Variants in SLC25A26 observed in about 807,000 individuals in gnomAD.
SLC25A26 encodes solute carrier family 25 member 26.
A neutral mutation model predicts 37.8 loss-of-function variants in SLC25A26; 36 were observed. That is an observed-to-expected ratio of 0.95 (90% CI 0.73 to 1.26). SLC25A26 has a LOEUF of 1.26. Ranked by LOEUF, SLC25A26 falls within the 50% of genes most tolerant of loss-of-function variation. The pLI is 0.00. For missense variants in SLC25A26, 390 were observed against 331.1 expected (o/e 1.18, Z -1.38); for synonymous variants, 129 against 122.5 (o/e 1.05, Z -0.35).
intron 5 of SLC25A26, among the ~76,000 whole-genome samples, chr3:66,291,963 C>T (rs1054342922): frequency 2.1e-4 from 32 of 152,254 alleles, no homozygotes; most frequent in Admixed American, 1.6e-3. Flanking sequence ...TAAGAACTTG[C>T]TTTATGAATC....
At position 66,236,691 on chromosome 3, in the gene SLC25A26, T is replaced by A. The variant is rs1161063754; in HGVS notation, c.181T>A (p.Phe61Ile). The A allele has an allele frequency of 6.6e-7, 1 of 1,512,344 alleles. No individual in the cohort carries two copies. The highest frequency in any genetic ancestry group is 8.9e-7 in the Non-Finnish European group (1 of 1,129,748). The allele number at this position is 1,512,344 out of a possible 1,614,324, so 93.7% of individuals were successfully genotyped here. Residue 61 changes from phenylalanine (F) to isoleucine (I), a missense_variant, in exon 2 of 10, where the codon TTT becomes ATT. Phe to Ile is a conservative substitution (Grantham distance 21). Transcript: ENST00000354883. ...CGTTCCTTCTGCTGCTATTGGATCC[T>A]TTCCTAATGGTAAAAAATTATATTC... ...AGVPSAAIGS[F>I]PNAAAFFITY...
chr3:66,191,692 C>T (rs2070945060), intron 1 of SLC25A26, among the ~76,000 whole-genome samples: 1 of 151,376 alleles, frequency 6.6e-6, no homozygotes, highest in Non-Finnish European at 1.5e-5. Flanking sequence ...GAGTTCAAGA[C>T]CAGACTGGCC....
chr3:66,302,751 T>G (rs777850227), intron 5 of SLC25A26, among the ~76,000 whole-genome samples: 5 of 152,154 alleles, frequency 3.3e-5, no homozygotes, highest in Admixed American at 6.5e-5. Flanking sequence ...AGATACAACT[T>G]GGTGAAAAGG....
intron 1 of SLC25A26, among the ~76,000 whole-genome samples, chr3:66,160,711 G>A (rs1041469637): frequency 2.0e-5 from 3 of 152,162 alleles, no homozygotes; most frequent in Admixed American, 2.0e-4. Context: ...GAGGCAGGTG[G>A]ATCACTGAAT....
chr3:66,148,052 C>T (rs1576595539), intron 1 of SLC25A26, among the ~76,000 whole-genome samples: 2 of 152,160 alleles, frequency 1.3e-5, no homozygotes, highest in Non-Finnish European at 1.5e-5. Flanking sequence ...CCACCATGCC[C>T]GGCTGTTTTT....
At chr3:66,299,101 A>C (rs947141568) in intron 5 of SLC25A26, among the ~76,000 whole-genome samples, 1 of 152,098 alleles carries the variant, frequency 6.6e-6, no homozygotes, top group Non-Finnish European at 1.5e-5. Flanking sequence ...TACATTTGTT[A>C]CTGTGTGTGT....
At chr3:66,318,931 C>T (rs1342873492) in intron 5 of SLC25A26, among the ~76,000 whole-genome samples, 6 of 152,058 alleles carry the variant, frequency 3.9e-5, no homozygotes, top group Admixed American at 6.5e-5. Context: ...ATTACAGACA[C>T]GAACCACCAC....
intron 5 of SLC25A26, among the ~76,000 whole-genome samples, chr3:66,296,041 C>T (rs555691700): frequency 2.6e-5 from 4 of 151,820 alleles, no homozygotes; most frequent in Non-Finnish European, 5.9e-5. Context: ...AGCTTGAACC[C>T]GGGAGGCGGA....
chr3:66,372,227 G>A (rs1226734133), intron 9 of SLC25A26, among the ~76,000 whole-genome samples: 1 of 152,226 alleles, frequency 6.6e-6, no homozygotes, highest in Non-Finnish European at 1.5e-5. Flanking sequence ...TGATTTCAGT[G>A]TAGTTCATGT....
intron 5 of SLC25A26, among the ~76,000 whole-genome samples, chr3:66,291,914 C>G (rs2074723554): frequency 6.6e-6 from 1 of 152,132 alleles, no homozygotes; most frequent in Admixed American, 6.5e-5. Flanking sequence ...AAGTCTCCCA[C>G]TGTTGTTGTG....
At chr3:66,254,584 T>A (rs934588324) in intron 3 of SLC25A26, among the ~76,000 whole-genome samples, 1 of 152,216 alleles carries the variant, frequency 6.6e-6, no homozygotes, top group African/African-American at 2.4e-5. Context: ...AAGCATTAGC[T>A]GAAATTAAAC....
chr3:66,309,182 A>T (rs1311176383), intron 5 of SLC25A26, among the ~76,000 whole-genome samples: 1 of 152,102 alleles, frequency 6.6e-6, no homozygotes, highest in South Asian at 2.1e-4. Flanking sequence ...TACTGCATCA[A>T]TTTCAGAACT....
At chr3:66,149,717 A>G (rs1007293063) in intron 1 of SLC25A26, among the ~76,000 whole-genome samples, 1 of 152,206 alleles carries the variant, frequency 6.6e-6, no homozygotes, top group African/African-American at 2.4e-5. Flanking sequence ...CCTTTGCTCA[A>G]CTGTAAAATG....
intron 5 of SLC25A26, among the ~76,000 whole-genome samples, chr3:66,307,227 G>C (rs1265536471): frequency 6.6e-6 from 1 of 152,144 alleles, no homozygotes; most frequent in African/African-American, 2.4e-5. Context: ...TCTCATTGTG[G>C]TTTTGATTTG....
At chr3:66,330,389 C>A (rs1471737752) in intron 5 of SLC25A26, among the ~76,000 whole-genome samples, 1 of 152,004 alleles carries the variant, frequency 6.6e-6, no homozygotes, top group Non-Finnish European at 1.5e-5. Flanking sequence ...GAATTTTGCA[C>A]AATTATCAGG....
intron 6 of SLC25A26, among the ~76,000 whole-genome samples, chr3:66,348,754 C>G (rs2076384533): frequency 6.6e-6 from 1 of 152,138 alleles, no homozygotes; most frequent in African/African-American, 2.4e-5. Flanking sequence ...CGTAGTATTG[C>G]TCATTTAATA....
intron 1 of SLC25A26, among the ~76,000 whole-genome samples, chr3:66,195,756 T>C (rs2071035636): frequency 6.6e-6 from 1 of 152,216 alleles, no homozygotes; most frequent in Non-Finnish European, 1.5e-5. Flanking sequence ...CTCAAAAGAA[T>C]GGTTGAAGAA....
At chr3:66,239,086 C>G (rs1442245831) in intron 2 of SLC25A26, among the ~76,000 whole-genome samples, 2 of 152,084 alleles carry the variant, frequency 1.3e-5, no homozygotes, top group South Asian at 4.1e-4. Flanking sequence ...CCTTTCTGCT[C>G]GATTGTCTGA....
At chr3:66,294,839 C>G (rs2074843357) in intron 5 of SLC25A26, among the ~76,000 whole-genome samples, 1 of 152,118 alleles carries the variant, frequency 6.6e-6, no homozygotes, top group South Asian at 2.1e-4. Flanking sequence ...CAAAAATGAC[C>G]ATGATGCTCC....
Sources: gnomAD v4.1 joint callset for allele counts (sites outside exome capture counted in the v4.1 genomes callset) on GRCh38, gnomAD v4.1.1 for gene constraint, MANE v1.5 for transcripts, NCBI Gene and HGNC (gene_info 2026-07-23, HGNC 2026-07-21) for gene names.